Variants in SSH2 observed in about 807,000 individuals in gnomAD.
SSH2 encodes slingshot protein phosphatase 2, also known as protein phosphatase Slingshot homolog 2.
A neutral mutation model predicts 135.2 loss-of-function variants in SSH2; 37 were observed. That is an observed-to-expected ratio of 0.27 (90% CI 0.21 to 0.36). The LOEUF (loss-of-function observed/expected upper bound fraction) is 0.36. SSH2 is among the 10% of genes least tolerant of loss of function. The pLI is 1.00. For missense variants in SSH2, 1,408 were observed against 1,765.3 expected, an observed-to-expected ratio of 0.80 and a Z score of 3.63; for synonymous variants, 628 against 646.2, an observed-to-expected ratio of 0.97 and a Z score of 0.43.
At chr17:29,870,615 T>C (rs1489437940) in intron 1 of SSH2, among the ~76,000 whole-genome samples, 3 of 152,156 alleles carry the variant, frequency 2.0e-5, no homozygotes, top group Admixed American at 6.5e-5. Flanking sequence ...CCAGATTTGA[T>C]TAAACTCTGA....
chr17:29,726,263 G>C (rs1348574145), intron 3 of SSH2, among the ~76,000 whole-genome samples: 1 of 152,154 alleles, frequency 6.6e-6, no homozygotes, highest in Non-Finnish European at 1.5e-5. Context: ...TTCAGGCAGG[G>C]GGAGCAGCAT....
chr17:29,836,102 C>T (rs1599066541), intron 2 of SSH2, among the ~76,000 whole-genome samples: 3 of 151,978 alleles, frequency 2.0e-5, no homozygotes, highest in South Asian at 4.1e-4. Context: ...GCTTATATGA[C>T]CAGAGATGTG....
intron 1 of SSH2, among the ~76,000 whole-genome samples, chr17:29,908,763 GAAAAAAAA>G (rs60242323): frequency 0.017 from 871 of 50,756 alleles, 16 homozygotes; most frequent in African/African-American, 0.084. Flanking sequence ...GACTCCATCT[GAAAAAAAA>G]AAAAAAAAAA....
At chr17:29,853,026 T>C (rs545302592) in intron 1 of SSH2, among the ~76,000 whole-genome samples, 10 of 152,030 alleles carry the variant, frequency 6.6e-5, no homozygotes, top group Non-Finnish European at 1.2e-4. Flanking sequence ...TAGTCATTTC[T>C]GGTTTCAAAC....
intron 1 of SSH2, among the ~76,000 whole-genome samples, chr17:29,858,771 C>G (rs571780335): frequency 2.0e-5 from 3 of 152,196 alleles, no homozygotes; most frequent in Admixed American, 2.0e-4. Flanking sequence ...ACTCGGGAGG[C>G]TGAGGCAGAA....
chr17:29,886,615 C>T (rs146513867), intron 1 of SSH2, among the ~76,000 whole-genome samples: 57 of 151,854 alleles, frequency 3.8e-4, no homozygotes, highest in Non-Finnish European at 6.3e-4. Context: ...GGCATGGTAG[C>T]GTGCACCTGT....
chr17:29,655,593 A>G lies in SSH2; in HGVS notation c.1047T>C (p.Asn349=). 1 of 1,614,118 alleles carries G rather than the reference A, an allele frequency of 6.2e-7. No homozygotes were observed. The highest frequency in any genetic ancestry group is 1.3e-5 in the African/African-American group (1 of 75,046). Residue 349 remains asparagine (N), a synonymous_variant, in exon 12 of 16, where the codon AAT becomes AAC. Coordinates refer to ENST00000540801, the MANE Select transcript of SSH2 (RefSeq NM_001282129.2). ...TCTGTAAGTCCTCTAAGTTGGAGGCATTCCATTCTGAGCCCTATGGAGCCA... is the reference window on the plus strand; with the variant it reads ...TCTGTAAGTCCTCTAAGTTGGAGGCGTTCCATTCTGAGCCCTATGGAGCCA... ...FEHVFLGSEW[N]ASNLEDLQNR...
intron 1 of SSH2, among the ~76,000 whole-genome samples, chr17:29,858,403 C>G (rs1400712748): frequency 1.3e-5 from 2 of 152,230 alleles, no homozygotes; most frequent in East Asian, 3.9e-4. Flanking sequence ...ATTGTGTCCC[C>G]TAAAATTCAC....
chr17:29,703,577 C>A (rs891285792), intron 3 of SSH2, among the ~76,000 whole-genome samples: 1 of 149,984 alleles, frequency 6.7e-6, no homozygotes, highest in Non-Finnish European at 1.5e-5. Flanking sequence ...CAAAACTTTA[C>A]AATATTCTTT....
At chr17:29,855,005 C>G (rs912250651) in intron 1 of SSH2, among the ~76,000 whole-genome samples, 2 of 152,132 alleles carry the variant, frequency 1.3e-5, no homozygotes, top group Admixed American at 1.3e-4. Flanking sequence ...ACCTGTTGCC[C>G]TGTTGTTACT....
intron 3 of SSH2, among the ~76,000 whole-genome samples, chr17:29,709,842 T>C (rs1013967809): frequency 1.3e-5 from 2 of 152,168 alleles, no homozygotes; most frequent in Admixed American, 6.5e-5. Flanking sequence ...GGCTGGACAG[T>C]AGAGCAAGTT....
intron 11 of SSH2, among the ~76,000 whole-genome samples, chr17:29,657,209 C>T (rs571386946): frequency 4.1e-4 from 62 of 152,072 alleles, no homozygotes; most frequent in South Asian, 3.3e-3. Flanking sequence ...TCAAGTGATC[C>T]GCCTGCCTCG....
intron 1 of SSH2, among the ~76,000 whole-genome samples, chr17:29,854,647 A>C (rs2065629257): frequency 6.6e-6 from 1 of 150,540 alleles, no homozygotes; most frequent in South Asian, 2.1e-4. Context: ...CAGAAGTCTT[A>C]AGAAATAATC....
intron 3 of SSH2, among the ~76,000 whole-genome samples, chr17:29,734,075 T>C (rs1166598538): frequency 6.6e-6 from 1 of 152,052 alleles, no homozygotes; most frequent in Non-Finnish European, 1.5e-5. Flanking sequence ...CCCGCCACCA[T>C]GCCTGGCTAA....
At chr17:29,684,092 A>G (rs181257693) in intron 6 of SSH2, among the ~76,000 whole-genome samples, 6 of 152,362 alleles carry the variant, frequency 3.9e-5, no homozygotes, top group African/African-American at 1.4e-4. Context: ...TTCACTAAAC[A>G]TTCTTGTTTC....
intron 1 of SSH2, among the ~76,000 whole-genome samples, chr17:29,913,353 TATATATATATATATATATA>T (rs1567650067): frequency 2.4e-4 from 7 of 28,580 alleles, no homozygotes; most frequent in East Asian, 9.8e-4. Context: ...AAAAAATATA[TATATATATATATATATATA>T]TATATATATA....
intron 14 of SSH2, chr17:29,647,791 T>C (rs1406529920): frequency 8.5e-6 from 2 of 236,680 alleles, no homozygotes; most frequent in Admixed American, 5.1e-5. Flanking sequence ...GCCTCCCAAG[T>C]AGCTGGGATT....
rs2035649000 is a variant in SSH2 at position 29,631,171 on chromosome 17, G to T, written c.4023C>A (p.Pro1341=). 1 of 1,614,048 alleles carries T rather than the reference G, an allele frequency of 6.2e-7. No homozygotes were observed. Among genetic ancestry groups the T allele is most frequent in the Non-Finnish European group, 8.5e-7 (1 of 1,180,042 alleles). Residue 1341 remains proline (P), a synonymous_variant, in exon 16 of 16, where the codon CCC becomes CCA. Transcript: ENST00000540801. The part of the protein sequence containing the change: ...DQESLENPGA[P]HNPEPTKSFV... ...AAGACTTGGTGGGCTCTGGGTTGTG[G>T]GGGGCACCTGGGTTTTCTAGGGACT...
rs1253702946 is a variant in SSH2, at chr17:29,636,637, A to G, written c.1593T>C (p.Pro531=). Residue 531 remains proline (P), a synonymous_variant, in exon 15 of 16, where the codon CCT becomes CCC. Transcript: ENST00000540801. ...GGACCATATGTTCCACAAAGACAGGAGGTATGGGTGGGTGACTCTCCATGG... is the reference window on the plus strand; with the variant it reads ...GGACCATATGTTCCACAAAGACAGGGGGTATGGGTGGGTGACTCTCCATGG... ...VKTMESHPPI[P]PVFVEHMVPQ... 1.2e-6 allele frequency: 2 copies of G among 1,613,986 alleles called. No homozygotes were observed. The highest frequency in any genetic ancestry group is 1.7e-6 in the Non-Finnish European group (2 of 1,179,998).
Sources: gnomAD v4.1 joint callset for allele counts (sites outside exome capture counted in the v4.1 genomes callset) on GRCh38, gnomAD v4.1.1 for gene constraint, MANE v1.5 for transcripts, NCBI Gene and HGNC (gene_info 2026-07-23, HGNC 2026-07-21) for gene names.